The following ROBO2 variants were observed in gnomAD, a reference collection of about 807,000 sequenced individuals.
The protein encoded by ROBO2 is roundabout guidance receptor 2.
A neutral mutation model predicts 160.8 loss-of-function variants in ROBO2; 53 were observed. The observed-to-expected ratio is 0.33, with a 90% CI of 0.26 to 0.41. The LOEUF is 0.41. Among genes scored for constraint, ROBO2 ranks in the 10% least tolerant of loss-of-function variants. The pLI is 1.00. For missense variants in ROBO2, 1,577 were observed against 1,722.4 expected, an observed-to-expected ratio of 0.92 and a Z score of 1.49; for synonymous variants, 664 against 611.7, an observed-to-expected ratio of 1.09 and a Z score of -1.26.
chr3:77,621,168 G>A (rs1173438218), intron 22 of ROBO2, among the ~76,000 whole-genome samples: 2 of 152,144 alleles, frequency 1.3e-5, no homozygotes, highest in African/African-American at 4.8e-5. Context: ...GCTCATGCCT[G>A]TAATCCCAGC....
At chr3:76,123,089 T>C (rs1321970934) in intron 2 of ROBO2, among the ~76,000 whole-genome samples, 1 of 152,088 alleles carries the variant, frequency 6.6e-6, no homozygotes, top group Non-Finnish European at 1.5e-5. Flanking sequence ...CTTTCACAGC[T>C]CAGTTTTCAG....
chr3:77,309,064 G>GTTTTTTTTTTTTTTTTTTTTTT (rs60708956), intron 2 of ROBO2, among the ~76,000 whole-genome samples: 1 of 145,748 alleles, frequency 6.9e-6, no homozygotes. Context: ...GCTATTTATT[G>GTTTTTTTTTTTTTTTTTTTTTT]TTTTTTTTTT....
intron 2 of ROBO2, among the ~76,000 whole-genome samples, chr3:77,438,281 A>C (rs1281300328): frequency 6.6e-6 from 1 of 151,944 alleles, no homozygotes; most frequent in Admixed American, 6.6e-5. Context: ...GAGAGGGATG[A>C]GCAAATGGCA....
intron 2 of ROBO2, among the ~76,000 whole-genome samples, chr3:76,442,383 G>GT (rs964796087): frequency 1.3e-5 from 2 of 152,134 alleles, no homozygotes; most frequent in African/African-American, 4.8e-5. Context: ...GACGTTTCTA[G>GT]TTTTTTTGTT....
chr3:77,632,626 A>G, intron 23 of ROBO2: 1 of 1,535,588 alleles, frequency 6.5e-7, no homozygotes, highest in Non-Finnish European at 8.7e-7. Context: ...AGCTGGTTTT[A>G]GGCTGGATGG....
chr3:76,729,975 C>T (rs987279980), intron 2 of ROBO2, among the ~76,000 whole-genome samples: 1 of 152,062 alleles, frequency 6.6e-6, no homozygotes, highest in Non-Finnish European at 1.5e-5. Context: ...TCAGTATAGT[C>T]TTGAGAGGTT....
At chr3:76,841,124 A>G (rs1447989503) in intron 2 of ROBO2, among the ~76,000 whole-genome samples, 1 of 152,202 alleles carries the variant, frequency 6.6e-6, no homozygotes, top group African/African-American at 2.4e-5. Context: ...AACATGCTAA[A>G]AACAATAATT....
intron 2 of ROBO2, among the ~76,000 whole-genome samples, chr3:76,776,705 T>A (rs1005405186): frequency 3.3e-5 from 5 of 150,976 alleles, no homozygotes; most frequent in African/African-American, 1.2e-4. Flanking sequence ...AAATTATTAG[T>A]ATGTGGTATC....
At chr3:76,159,635 T>C (rs2072544222) in intron 2 of ROBO2, among the ~76,000 whole-genome samples, 1 of 152,116 alleles carries the variant, frequency 6.6e-6, no homozygotes, top group Non-Finnish European at 1.5e-5. Flanking sequence ...TGGTCTAGGT[T>C]TTCTGCTGTC....
At chr3:75,933,509 A>G (rs1279380209) in intron 1 of ROBO2, among the ~76,000 whole-genome samples, 1 of 152,098 alleles carries the variant, frequency 6.6e-6, no homozygotes, top group Non-Finnish European at 1.5e-5. Context: ...GCTTTGTTCC[A>G]GAGAGGATTT....
intron 2 of ROBO2, among the ~76,000 whole-genome samples, chr3:76,016,253 A>T (rs2066401602): frequency 6.6e-6 from 1 of 152,076 alleles, no homozygotes. Flanking sequence ...TGCTCGGGAC[A>T]GGCTGTGCTT....
intron 2 of ROBO2, among the ~76,000 whole-genome samples, chr3:76,476,387 G>T (rs1257661940): frequency 1.3e-5 from 2 of 151,938 alleles, no homozygotes; most frequent in Non-Finnish European, 2.9e-5. Flanking sequence ...TCTGTCCCTG[G>T]CAGCTGAGGG....
intron 2 of ROBO2, among the ~76,000 whole-genome samples, chr3:76,325,909 G>T (rs1242315923): frequency 6.6e-6 from 1 of 150,712 alleles, no homozygotes; most frequent in South Asian, 2.1e-4. Context: ...ATTGATCAGA[G>T]AATTATTCAA....
At chr3:77,505,066 T>C (rs1377809953) in intron 5 of ROBO2, among the ~76,000 whole-genome samples, 2 of 152,220 alleles carry the variant, frequency 1.3e-5, no homozygotes, top group Non-Finnish European at 2.9e-5. Flanking sequence ...TAGTTGTGGT[T>C]CTATTATGAA....
chr3:77,357,018 G>A (rs2069230128), intron 2 of ROBO2, among the ~76,000 whole-genome samples: 1 of 152,174 alleles, frequency 6.6e-6, no homozygotes, highest in South Asian at 2.1e-4. Context: ...GGAACAGGGT[G>A]CTACCGTTGT....
At chr3:76,143,706 T>C (rs1357921814) in intron 2 of ROBO2, among the ~76,000 whole-genome samples, 1 of 152,010 alleles carries the variant, frequency 6.6e-6, no homozygotes, top group Non-Finnish European at 1.5e-5. Flanking sequence ...GAACCAATAA[T>C]ATAGATAGAT....
At chr3:76,897,288 A>T (rs898785459) in intron 2 of ROBO2, among the ~76,000 whole-genome samples, 2 of 151,872 alleles carry the variant, frequency 1.3e-5, no homozygotes, top group Non-Finnish European at 2.9e-5. Context: ...CCAAAAAAAA[A>T]TGCTGGCTTT....
chr3:77,177,596 T>C (rs2080280601), intron 2 of ROBO2, among the ~76,000 whole-genome samples: 1 of 152,050 alleles, frequency 6.6e-6, no homozygotes, highest in African/African-American at 2.4e-5. Flanking sequence ...AATTGTTGTA[T>C]GGCTATTCTT....
intron 2 of ROBO2, among the ~76,000 whole-genome samples, chr3:77,286,029 T>C (rs2060568131): frequency 6.6e-6 from 1 of 152,138 alleles, no homozygotes; most frequent in Non-Finnish European, 1.5e-5. Flanking sequence ...TTCTCAGAGG[T>C]AACACATGTT....
Sources: allele counts gnomAD v4.1 joint callset (sites outside exome capture counted in the v4.1 genomes callset), GRCh38; gene constraint gnomAD v4.1.1; transcripts MANE v1.5; gene names NCBI Gene and HGNC (gene_info 2026-07-23, HGNC 2026-07-21).